The following CRACD variants were observed in gnomAD, a reference collection of about 807,000 sequenced individuals.
The protein encoded by CRACD is capping protein-inhibiting regulator of actin dynamics.
In CRACD, 56 loss-of-function variants were observed where a neutral mutation model predicts 106.8. The ratio of observed to expected loss-of-function variants is 0.52; its 90% CI spans 0.42 to 0.66. The LOEUF (loss-of-function observed/expected upper bound fraction) is 0.66, where lower values mean the gene tolerates loss of function less well. CRACD is among the 30% of genes least tolerant of loss of function. CRACD has a pLI of 0.00. For missense variants in CRACD, 1,730 were observed against 1,623.2 expected, an observed-to-expected ratio of 1.07 and a Z score of -1.13; for synonymous variants, 754 against 670.8, an observed-to-expected ratio of 1.12 and a Z score of -1.92.
intron 2 of CRACD, among the ~76,000 whole-genome samples, chr4:56,182,388 A>C (rs1434932175): frequency 6.6e-6 from 1 of 151,946 alleles, no homozygotes; most frequent in Non-Finnish European, 1.5e-5. Context: ...ACGAGCAAAC[A>C]AAAAAAGCAG....
intron 8 of CRACD, among the ~76,000 whole-genome samples, chr4:56,320,277 G>GA (rs1745995815): frequency 1.3e-5 from 2 of 152,166 alleles, no homozygotes; most frequent in African/African-American, 4.8e-5. Flanking sequence ...GTAGTGACTA[G>GA]AACCCTGTGA....
intron 3 of CRACD, among the ~76,000 whole-genome samples, chr4:56,282,023 C>T (rs1320177130): frequency 6.6e-6 from 1 of 152,138 alleles, no homozygotes; most frequent in Non-Finnish European, 1.5e-5. Flanking sequence ...CAGGATGAGC[C>T]TCTAAGTCAG....
chr4:56,147,034 A>G (rs2109885111), intron 1 of CRACD, among the ~76,000 whole-genome samples: 1 of 152,220 alleles, frequency 6.6e-6, no homozygotes, highest in South Asian at 2.1e-4. Flanking sequence ...TCCAATGGTT[A>G]TCTTGAGTAA....
intron 1 of CRACD, among the ~76,000 whole-genome samples, chr4:56,107,462 C>A (rs75847215): frequency 6.3e-4 from 95 of 151,602 alleles, no homozygotes; most frequent in African/African-American, 2.2e-3. Context: ...ACTATTAATC[C>A]TTTTTTTTTC....
At chr4:56,128,608 G>A (rs1021602276) in intron 1 of CRACD, among the ~76,000 whole-genome samples, 1 of 152,106 alleles carries the variant, frequency 6.6e-6, no homozygotes, top group Non-Finnish European at 1.5e-5. Context: ...ATGGATAAAT[G>A]ATGTTCAAAT....
chr4:56,205,004 AACTT>A (rs1480684240), intron 2 of CRACD, among the ~76,000 whole-genome samples: 4 of 152,008 alleles, frequency 2.6e-5, no homozygotes, highest in Non-Finnish European at 4.4e-5. Context: ...AAAAAATAAA[AACTT>A]AACCGGGTGT....
intron 10 of CRACD, among the ~76,000 whole-genome samples, chr4:56,326,741 CTTT>C (rs559242636): frequency 3.6e-5 from 5 of 137,850 alleles, no homozygotes; most frequent in African/African-American, 5.3e-5. Flanking sequence ...GGGACGGTAG[CTTT>C]TTTTTTTTTT....
chr4:56,154,420 CACG>C (rs1425995054), intron 1 of CRACD, among the ~76,000 whole-genome samples: 4 of 152,236 alleles, frequency 2.6e-5, no homozygotes, highest in Admixed American at 1.3e-4. Context: ...GAGCCAAGAT[CACG>C]CCGTTGCACT....
chr4:56,077,641 A>G (rs1732889037), intron 1 of CRACD, among the ~76,000 whole-genome samples: 1 of 152,198 alleles, frequency 6.6e-6, no homozygotes, highest in African/African-American at 2.4e-5. Context: ...CATGAACTTA[A>G]AGCTGAATCC....
At chr4:56,325,400 C>T (rs955758086) in intron 10 of CRACD, among the ~76,000 whole-genome samples, 5 of 152,174 alleles carry the variant, frequency 3.3e-5, no homozygotes, top group African/African-American at 9.7e-5. Context: ...GCTCCGCACC[C>T]GGGTTGGAAA....
chr4:56,290,737 T>C (rs1294045619), intron 3 of CRACD, among the ~76,000 whole-genome samples: 5 of 152,180 alleles, frequency 3.3e-5, no homozygotes, highest in Non-Finnish European at 5.9e-5. Context: ...TCAGCCATGC[T>C]CCTTTGTACA....
chr4:56,291,101 G>A (rs1317663674), intron 3 of CRACD, among the ~76,000 whole-genome samples: 1 of 152,192 alleles, frequency 6.6e-6, no homozygotes, highest in East Asian at 1.9e-4. Flanking sequence ...ACAAGCAAGA[G>A]GCTGCTCTGG....
rs762392992 is a variant in CRACD, at chr4:56,310,709, G to A, written c.329G>A (p.Gly110Glu). 8.4e-5 allele frequency: 136 copies of A among 1,610,674 alleles called. No homozygotes were observed. Among genetic ancestry groups the A allele is most frequent in the Non-Finnish European group, 1.1e-4 (132 of 1,177,078 alleles). Residue 110 changes from glycine to glutamate, a missense_variant, in exon 6 of 11, where the codon GGA (glycine) becomes GAA (glutamate). Gly to Glu is a moderately conservative substitution (Grantham distance 98, BLOSUM62 -2). Transcript: ENST00000682029. ...PSSLSPLNLPGAGSEMEEKVA... is the reference protein window; with the variant it reads ...PSSLSPLNLPEAGSEMEEKVA... ...TCTCTAAGTCCTCTGAATCTCCCTG[G>A]AGCTGGAAGTGAGATGGAAGAGAAG...
At chr4:56,072,185 G>T (rs1310509796) in intron 1 of CRACD, among the ~76,000 whole-genome samples, 3 of 151,376 alleles carry the variant, frequency 2.0e-5, no homozygotes, top group African/African-American at 7.3e-5. Context: ...CAGATAAAGT[G>T]TGAACTCTAG....
chr4:56,266,395 A>G (rs1207133375), intron 2 of CRACD, among the ~76,000 whole-genome samples: 2 of 152,204 alleles, frequency 1.3e-5, no homozygotes, highest in Admixed American at 6.5e-5. Context: ...ACCCTTAACT[A>G]GAGCTGCAGT....
At chr4:56,130,395 A>G (rs1013441126) in intron 1 of CRACD, among the ~76,000 whole-genome samples, 1 of 152,186 alleles carries the variant, frequency 6.6e-6, no homozygotes, top group African/African-American at 2.4e-5. Flanking sequence ...AAGAATATAA[A>G]TATTTTAATA....
At chr4:56,288,016 T>C (rs1393697180) in intron 3 of CRACD, among the ~76,000 whole-genome samples, 2 of 152,216 alleles carry the variant, frequency 1.3e-5, no homozygotes, top group African/African-American at 4.8e-5. Context: ...AGTGGGTTCA[T>C]GGTATTTGAA....
At chr4:56,053,650 C>T (rs1054355990) in intron 1 of CRACD, among the ~76,000 whole-genome samples, 1 of 152,130 alleles carries the variant, frequency 6.6e-6, no homozygotes, top group African/African-American at 2.4e-5. Context: ...TATGCCACTG[C>T]TCTTGCATTA....
At chr4:56,287,462 T>A (rs1743437997) in intron 3 of CRACD, among the ~76,000 whole-genome samples, 1 of 152,106 alleles carries the variant, frequency 6.6e-6, no homozygotes, top group Non-Finnish European at 1.5e-5. Context: ...TTTATATTTT[T>A]AGTAGAGGGG....
Sources: gnomAD v4.1 joint callset for allele counts (sites outside exome capture counted in the v4.1 genomes callset) on GRCh38, gnomAD v4.1.1 for gene constraint, MANE v1.5 for transcripts, NCBI Gene and HGNC (gene_info 2026-07-23, HGNC 2026-07-21) for gene names.